The following LRRC37A variants were observed in gnomAD, a reference collection of about 807,000 sequenced individuals.
LRRC37A encodes leucine rich repeat containing 37A, also known as leucine-rich repeat-containing protein 37A.
Under a neutral mutation model 35.4 loss-of-function variants are expected in LRRC37A, and 3 were observed. The ratio of observed to expected loss-of-function variants is 0.08; its 90% CI spans 0.04 to 0.22. The LOEUF is 0.22. LRRC37A is among the 10% of genes least tolerant of loss of function. The probability of loss-of-function intolerance (pLI) is 1.00; values close to 1 mark genes in which losing one functional copy is unlikely to be tolerated. For synonymous variants in LRRC37A, 23 were observed against 215.0 expected, an observed-to-expected ratio of 0.11 and a Z score of 7.81; for missense variants, 67 against 565.3, an observed-to-expected ratio of 0.12 and a Z score of 8.94.
the LRRC37A span, among the ~76,000 whole-genome samples, chr17:46,253,760 G>C: frequency 6.6e-6 from 1 of 150,996 alleles, no homozygotes; most frequent in East Asian, 2.0e-4. Context: ...GTGGGGAGAG[G>C]GAGAGGGAGG....
the LRRC37A span, among the ~76,000 whole-genome samples, chr17:46,254,527 T>C: frequency 1.3e-5 from 2 of 152,000 alleles, no homozygotes; most frequent in Admixed American, 6.6e-5. Flanking sequence ...TACAGTCGCA[T>C]GCCACCTTGC....
the LRRC37A span, among the ~76,000 whole-genome samples, chr17:46,280,681 C>T: frequency 6.9e-6 from 1 of 144,774 alleles, no homozygotes; most frequent in South Asian, 2.2e-4. Context: ...TCAAGTGATT[C>T]TCATGCCTCA....
the LRRC37A span, chr17:46,275,372 A>T: frequency 9.9e-7 from 1 of 1,006,866 alleles, no homozygotes; most frequent in South Asian, 1.3e-5. Flanking sequence ...TTAGGTTAAC[A>T]TGCTGAACTT....
chr17:46,260,453 G>A, the LRRC37A span: 7 of 1,569,472 alleles, frequency 4.5e-6, no homozygotes, highest in Admixed American at 7.5e-5. Context: ...CTCTGACCCA[G>A]CCGGCGGCGG....
the LRRC37A span, among the ~76,000 whole-genome samples, chr17:46,255,344 T>C: frequency 6.6e-6 from 1 of 151,568 alleles, no homozygotes; most frequent in Non-Finnish European, 1.5e-5. Context: ...GGGCTAAGTG[T>C]TTGCATCCTC....
At chr17:46,267,932 G>T in the LRRC37A span, among the ~76,000 whole-genome samples, 4 of 107,798 alleles carry the variant, frequency 3.7e-5, no homozygotes, top group Non-Finnish European at 7.4e-5. Context: ...ACAGAGTCTC[G>T]CTCTGTTGCC....
At chr17:46,278,415 G>GT in the LRRC37A span, among the ~76,000 whole-genome samples, 10,518 of 117,924 alleles carry the variant, frequency 0.089, 445 homozygotes, top group Middle Eastern at 0.24. Context: ...TTTTTTTGTT[G>GT]TTGTTTTAAG....
At chr17:46,254,928 T>G in the LRRC37A span, among the ~76,000 whole-genome samples, 1 of 151,738 alleles carries the variant, frequency 6.6e-6, no homozygotes, top group Non-Finnish European at 1.5e-5. Flanking sequence ...CTCTGCCTCC[T>G]GGGTTCAAGC....
chr17:46,291,641 G>C (rs948255239), upstream of LRRC37A, among the ~76,000 whole-genome samples: 10 of 152,154 alleles, frequency 6.6e-5, no homozygotes, highest in Admixed American at 1.3e-4. Flanking sequence ...GACAACCAGG[G>C]CCCATACGGT....
the LRRC37A span, among the ~76,000 whole-genome samples, chr17:46,267,908 T>TGG: frequency 6.8e-6 from 1 of 147,386 alleles, no homozygotes. Flanking sequence ...TTTTTTTTTT[T>TGG]TTTTTTTTTT....
At chr17:46,277,159 C>A in the LRRC37A span, among the ~76,000 whole-genome samples, 1 of 152,210 alleles carries the variant, frequency 6.6e-6, no homozygotes, top group Non-Finnish European at 1.5e-5. Flanking sequence ...CTCCCATGTG[C>A]TTTATTGAAA....
At chr17:46,250,857 C>T in the LRRC37A span, among the ~76,000 whole-genome samples, 1 of 152,156 alleles carries the variant, frequency 6.6e-6, no homozygotes. Flanking sequence ...TCCTTCTCTT[C>T]CCTTCCCCTT....
At chr17:46,268,122 G>A in the LRRC37A span, among the ~76,000 whole-genome samples, 2 of 152,040 alleles carry the variant, frequency 1.3e-5, no homozygotes, top group Admixed American at 1.3e-4. Flanking sequence ...AATGTGATAA[G>A]GACCTTTGTT....
the LRRC37A span, among the ~76,000 whole-genome samples, chr17:46,277,937 T>C: frequency 0.14 from 21,714 of 151,564 alleles, 1,882 homozygotes; most frequent in Non-Finnish European, 0.22. Context: ...CCACCATGCC[T>C]GGTCTGGGTA....
chr17:46,286,818 G>A, the LRRC37A span, among the ~76,000 whole-genome samples: 3 of 152,250 alleles, frequency 2.0e-5, no homozygotes, highest in Non-Finnish European at 4.4e-5. Flanking sequence ...GTGTTCTGCA[G>A]ATACAGTACA....
the LRRC37A span, chr17:46,268,367 C>A: frequency 1.8e-5 from 13 of 722,582 alleles, no homozygotes; most frequent in Non-Finnish European, 2.3e-5. Context: ...TCCACCTTGC[C>A]TGTAGACTAA....
the LRRC37A span, among the ~76,000 whole-genome samples, chr17:46,262,871 T>C: frequency 2.0e-5 from 3 of 152,188 alleles, no homozygotes; most frequent in Middle Eastern, 3.4e-3. Flanking sequence ...TTGATGGCAC[T>C]GAAAATGAAA....
the LRRC37A span, among the ~76,000 whole-genome samples, chr17:46,266,856 C>G: frequency 0.13 from 19,419 of 150,580 alleles, no homozygotes; most frequent in Middle Eastern, 0.2. Context: ...CGCGCGTCGC[C>G]GCGCCGCGGG....
the LRRC37A span, among the ~76,000 whole-genome samples, chr17:46,260,952 C>G: frequency 6.6e-6 from 1 of 152,106 alleles, no homozygotes; most frequent in African/African-American, 2.4e-5. Context: ...AGCGAAGTAA[C>G]TCAGGAATGG....
Sources: allele counts gnomAD v4.1 joint callset (sites outside exome capture counted in the v4.1 genomes callset), GRCh38; gene constraint gnomAD v4.1.1; transcripts MANE v1.5; gene names NCBI Gene and HGNC (gene_info 2026-07-23, HGNC 2026-07-21).